The following ATP2B3 variants were observed in gnomAD, a reference collection of about 807,000 sequenced individuals.
The protein encoded by ATP2B3 is plasma membrane calcium-transporting ATPase 3.
Under a neutral mutation model 70.8 loss-of-function variants are expected in ATP2B3, and 12 were observed. The observed-to-expected ratio is 0.17, with a 90% CI of 0.11 to 0.27. ATP2B3 has a LOEUF of 0.27. Ranked by LOEUF, ATP2B3 falls within the 10% of genes least tolerant of loss-of-function variation. The pLI is 1.00. For missense variants in ATP2B3, 858 were observed against 1,118.5 expected (o/e 0.77, Z 3.32); for synonymous variants, 460 against 497.8 (o/e 0.92, Z 1.01).
At position 153,559,846 on chromosome X, in the gene ATP2B3, G is replaced by A. The variant is rs782760804; in HGVS notation, c.2743G>A (p.Gly915Ser). The A allele has an allele frequency of 8.3e-6, 10 of 1,212,023 alleles. No homozygotes were observed. Among genetic ancestry groups the A allele is most frequent in the Admixed American group, 2.2e-5 (1 of 46,118 alleles). ...TESLLLRKPY[G>S]RDKPLISRTM... Reference sequence around the variant, plus strand: ...GTCGCTGCTGCTGCGGAAGCCGTACGGCCGCGACAAGCCCCTCATCTCCCG... The same window carrying A: ...GTCGCTGCTGCTGCGGAAGCCGTACAGCCGCGACAAGCCCCTCATCTCCCG... The change falls in exon 18 of 22, where the codon GGC (glycine) becomes AGC (serine). Residue 915 changes from glycine to serine, a missense_variant. Physicochemically the swap from Gly to Ser is moderately conservative, Grantham distance 56. Coordinates refer to ENST00000263519, the MANE Select transcript of ATP2B3 (RefSeq NM_001001344.3).
In ATP2B3 at chrX:153,580,596, GA is replaced by G. The variant is rs2090911877; in HGVS notation, c.*300del. 3.5e-6 allele frequency: 1 copy of G among 287,721 alleles called. No homozygotes were observed. The highest frequency in any genetic ancestry group is 6.1e-6 in the Non-Finnish European group (1 of 163,088). 23.7% of individuals were successfully genotyped at this position (287,721 alleles called of 1,213,427 possible). A position where few individuals can be genotyped will look rare whatever the true frequency, so the allele number is the denominator to read the frequency against. ...GGTTCTTCGTCCAAAGGAGGAAGGA[GA>G]AGAAGTAGAAAGTGCGAAGAGCTGA... On this transcript the variant is annotated 3_prime_UTR_variant, in exon 22 of 22. Transcript: ENST00000263519.
intron 7 of ATP2B3, 152 bp downstream of exon 7, chrX:153,543,320 A>G (rs1359773724): frequency 2.2e-5 from 18 of 823,388 alleles, no homozygotes; most frequent in Non-Finnish European, 3.0e-5. Context: ...CTCCGTGGAG[A>G]CTCCTCTTCT....
chrX:153,526,132 G>C (rs113084528), intron 2 of ATP2B3, among the ~76,000 whole-genome samples: 130 of 112,707 alleles, frequency 1.2e-3, no homozygotes, highest in African/African-American at 4.1e-3. Flanking sequence ...AGGAGGGGAG[G>C]GGGTGAGCAC....
chrX:153,548,337 G>A (rs1252656721), intron 9 of ATP2B3, among the ~76,000 whole-genome samples: 4 of 111,159 alleles, frequency 3.6e-5, no homozygotes, highest in Non-Finnish European at 5.7e-5. Flanking sequence ...AACTTCTGGG[G>A]TGCAGTGGGG....
At chrX:153,525,748 C>T (rs782731998) in intron 2 of ATP2B3, among the ~76,000 whole-genome samples, 1 of 112,786 alleles carries the variant, frequency 8.9e-6, no homozygotes, top group South Asian at 3.6e-4. Flanking sequence ...TAGGGCACGT[C>T]TCCCACCTAG....
rs782474425 is a variant in ATP2B3 at position 153,552,228 on chromosome X, T to C, written c.1824-807T>C. Among the ~76,000 whole-genome samples, 5 of 112,777 alleles carry C rather than the reference T, an allele frequency of 4.4e-5. No individual in the cohort carries two copies. In the South Asian group the frequency reaches 1.8e-3, roughly 41 times the overall value. ...CCTTACTCCCATGCCTCAGTTTCCC[T>C]GGTGGCATGGAGATCACAGAATACT... On this transcript the variant is annotated intron_variant, in intron 12 of 21. Coordinates refer to ENST00000263519, the MANE Select transcript of ATP2B3 (RefSeq NM_001001344.3).
At chrX:153,562,053 G>T in intron 19 of ATP2B3, 82 bp from the exon 20 acceptor site, 1 of 905,121 alleles carries the variant, frequency 1.1e-6, no homozygotes, top group South Asian at 2.0e-5. Context: ...AACCAGGGTG[G>T]CTGGGTCTTC....
rs782154732 is a variant in ATP2B3, at chrX:153,528,338, G to A, written c.-126-7784G>A. 1.1e-4 allele frequency among the ~76,000 whole-genome samples: 12 copies of A among 112,072 alleles called. No homozygotes were observed. The East Asian group carries it at 3.4e-3, about 32-fold the overall frequency. ...CCTGAGCCGCATGTGCTCTTTGGTG[G>A]GGAGGGCCACCCCATGCTATAGAGG... On this transcript the variant is annotated intron_variant, in intron 2 of 21. Transcript: ENST00000263519.
At chrX:153,530,883 C>G in intron 2 of ATP2B3, among the ~76,000 whole-genome samples, 1 of 112,644 alleles carries the variant, frequency 8.9e-6, no homozygotes. Flanking sequence ...TCTCTTTTCC[C>G]ATCCTCCTCC....
chrX:153,533,031 C>G, intron 2 of ATP2B3: 1 of 111,703 alleles, frequency 9.0e-6, no homozygotes, highest in Non-Finnish European at 1.9e-5. Flanking sequence ...GTTAGCAGAG[C>G]ACCCCGACCC....
chrX:153,565,767 T>C (rs2090697764), intron 21 of ATP2B3, among the ~76,000 whole-genome samples: 1 of 112,527 alleles, frequency 8.9e-6, no homozygotes, highest in Non-Finnish European at 1.9e-5. Context: ...TGCTCCAGAC[T>C]CGCTGTGTCT....
intron 19 of ATP2B3, among the ~76,000 whole-genome samples, chrX:153,561,233 A>G (rs1047541819): frequency 1.8e-5 from 2 of 112,187 alleles, no homozygotes; most frequent in African/African-American, 6.5e-5. Flanking sequence ...CCTTGGCATG[A>G]GGCTGCCATA....
intron 2 of ATP2B3, among the ~76,000 whole-genome samples, chrX:153,535,371 C>T (rs2090175830): frequency 9.0e-6 from 1 of 111,210 alleles, no homozygotes; most frequent in South Asian, 3.8e-4. Context: ...TTGGCAGACT[C>T]ACCAGCGACC....
chrX:153,528,104 G>C (rs2090062099), intron 2 of ATP2B3, among the ~76,000 whole-genome samples: 1 of 113,224 alleles, frequency 8.8e-6, no homozygotes, highest in African/African-American at 3.2e-5. Flanking sequence ...CCCTGAGGTT[G>C]ATGGGGACAG....
At position 153,580,434 on chromosome X, in the gene ATP2B3, T is replaced by G. The variant is rs1420161737; in HGVS notation, c.*136T>G. On this transcript the variant is annotated 3_prime_UTR_variant, in exon 22 of 22. Coordinates refer to ENST00000263519, the MANE Select transcript of ATP2B3 (RefSeq NM_001001344.3). The stretch of plus-strand genomic sequence containing the variant: ...GAACAACTAAGGTGGCTGAAGACCT[T>G]TCTGGCAGGGCATTTGCAAGGACCC... The G allele has an allele frequency of 2.4e-5, 16 of 658,128 alleles. No individual in the cohort carries two copies. In the African/African-American group the frequency reaches 2.9e-4, roughly 12 times the overall value. 54.2% of individuals were successfully genotyped at this position (658,128 alleles called of 1,213,427 possible).
chrX:153,524,628 A>T (rs1437527186), intron 2 of ATP2B3, among the ~76,000 whole-genome samples: 1 of 111,624 alleles, frequency 9.0e-6, no homozygotes, highest in African/African-American at 3.3e-5. Context: ...CTAGTAGCAA[A>T]TCGGTTGTTC....
intron 15 of ATP2B3, 91 bp from the exon 16 acceptor site, chrX:153,556,826 C>A: frequency 1.0e-6 from 1 of 968,605 alleles, no homozygotes; most frequent in Non-Finnish European, 1.4e-6. Context: ...GTTTTCACAG[C>A]CAACCTACCC....
rs369326442 is a variant in ATP2B3, at chrX:153,582,503, G to A, written c.*2205G>A. On this transcript the variant is annotated 3_prime_UTR_variant, in exon 22 of 22. Coordinates refer to ENST00000263519, the MANE Select transcript of ATP2B3 (RefSeq NM_001001344.3). ...TCTCACTCTCTGTCGTAGACACACC[G>A]ATAGGACCAATGGCCAATAGATATT... is the stretch of plus-strand genomic sequence containing the variant. The A allele has an allele frequency of 1.2e-4, 14 of 112,724 alleles. No individual in the cohort carries two copies. Among genetic ancestry groups the A allele is most frequent in the African/African-American group, 4.5e-4 (14 of 31,024 alleles). The allele number at this position is 112,724 out of a possible 1,213,427, so 9.3% of individuals were successfully genotyped here. A position where few individuals can be genotyped will look rare whatever the true frequency, so the allele number is the denominator to read the frequency against.
intron 21 of ATP2B3, among the ~76,000 whole-genome samples, chrX:153,578,139 C>A (rs1394288222): frequency 8.9e-6 from 1 of 112,767 alleles, no homozygotes; most frequent in Non-Finnish European, 1.9e-5. Flanking sequence ...CAGCATGAAA[C>A]TTAAACCAGT....
Sources: allele counts gnomAD v4.1 joint callset (sites outside exome capture counted in the v4.1 genomes callset), GRCh38; gene constraint gnomAD v4.1.1; transcripts MANE v1.5; gene names NCBI Gene and HGNC (gene_info 2026-07-23, HGNC 2026-07-21).